Variants in ADCY8 observed in about 807,000 individuals in gnomAD.
ADCY8 encodes adenylate cyclase type 8.
Under a neutral mutation model 119.7 loss-of-function variants are expected in ADCY8, and 51 were observed. The observed-to-expected ratio is 0.43, with a 90% CI of 0.34 to 0.54. ADCY8 has a LOEUF of 0.54. ADCY8 is among the 20% of genes least tolerant of loss of function. ADCY8 has a pLI of 0.03. For missense variants in ADCY8, 1,383 were observed against 1,598.8 expected (o/e 0.87, Z 2.30); for synonymous variants, 665 against 651.0 (o/e 1.02, Z -0.33).
At chr8:130,940,711 GA>G (rs2130633336) in intron 4 of ADCY8, among the ~76,000 whole-genome samples, 1 of 152,068 alleles carries the variant, frequency 6.6e-6, no homozygotes, top group African/African-American at 2.4e-5. Context: ...GACTGCTTTG[GA>G]AAAAAATATT....
intron 2 of ADCY8, among the ~76,000 whole-genome samples, chr8:130,964,980 A>C (rs1440997353): frequency 1.3e-5 from 2 of 151,944 alleles, no homozygotes; most frequent in Non-Finnish European, 2.9e-5. Flanking sequence ...TTCTTTTGAG[A>C]GGTGTCTGTT....
intron 8 of ADCY8, among the ~76,000 whole-genome samples, chr8:130,875,437 A>G (rs1051816350): frequency 6.6e-6 from 1 of 152,198 alleles, no homozygotes; most frequent in Non-Finnish European, 1.5e-5. Context: ...ATGAAAGAGA[A>G]AAGCTGAGAC....
intron 1 of ADCY8, among the ~76,000 whole-genome samples, chr8:131,036,858 G>T (rs1246148998): frequency 6.6e-6 from 1 of 152,162 alleles, no homozygotes; most frequent in Non-Finnish European, 1.5e-5. Flanking sequence ...GGGAAATATG[G>T]TTGGAGAGAG....
chr8:130,921,982 G>A (rs1199995058), intron 5 of ADCY8, among the ~76,000 whole-genome samples: 1 of 152,010 alleles, frequency 6.6e-6, no homozygotes, highest in East Asian at 1.9e-4. Flanking sequence ...ATGGATTCAT[G>A]GGTTAATGGA....
intron 1 of ADCY8, among the ~76,000 whole-genome samples, chr8:131,033,394 C>T (rs1437199915): frequency 2.0e-5 from 3 of 152,070 alleles, no homozygotes; most frequent in Non-Finnish European, 2.9e-5. Flanking sequence ...TTCTGATGAG[C>T]TCTTAAAATG....
intron 2 of ADCY8, among the ~76,000 whole-genome samples, chr8:130,952,520 G>A (rs1821304359): frequency 6.6e-6 from 1 of 152,022 alleles, no homozygotes; most frequent in Non-Finnish European, 1.5e-5. Context: ...CAATGGTGTG[G>A]CTGGAGGGTG....
At chr8:131,000,168 C>T (rs540336787) in intron 1 of ADCY8, among the ~76,000 whole-genome samples, 301 of 152,248 alleles carry the variant, frequency 2.0e-3, no homozygotes, top group Admixed American at 5.2e-3. Flanking sequence ...TAAAGTTAAA[C>T]AGCTCCACAG....
chr8:130,940,371 T>C (rs967581188), intron 4 of ADCY8, among the ~76,000 whole-genome samples: 3 of 152,194 alleles, frequency 2.0e-5, no homozygotes, highest in Non-Finnish European at 4.4e-5. Flanking sequence ...GAGGCAGACA[T>C]TGGATAATGA....
At chr8:131,008,004 C>T (rs994962990) in intron 1 of ADCY8, among the ~76,000 whole-genome samples, 2 of 152,114 alleles carry the variant, frequency 1.3e-5, no homozygotes, top group Admixed American at 6.5e-5. Context: ...GAGGTAGGTG[C>T]TACTATTATT....
rs535050621 is a variant in ADCY8 at position 130,943,227 on chromosome 8, G to A, written c.1353+124C>T. 1.1e-4 allele frequency: 71 copies of A among 669,100 alleles called. 1 individual carries two copies. Among genetic ancestry groups the A allele is most frequent in the East Asian group, 9.9e-4 (36 of 36,236 alleles). The allele number at this position is 669,100 out of a possible 1,614,324, so 41.4% of individuals were successfully genotyped here. On this transcript the variant is annotated intron_variant, in intron 4 of 17. Coordinates refer to ENST00000286355, the MANE Select transcript of ADCY8 (RefSeq NM_001115.3). ...AGAATGTGAGAGGGTCAGGGTCCAT[G>A]CCTAGGGACAGGATGCAGAATGGTA...
At chr8:130,810,231 CT>C (rs139014035) in intron 14 of ADCY8, among the ~76,000 whole-genome samples, 3,068 of 152,232 alleles carry the variant, frequency 0.02, 102 homozygotes, top group African/African-American at 0.07. Context: ...CTAAAAATGC[CT>C]TTGCCTCTTA....
At chr8:131,007,404 T>C (rs1420778456) in intron 1 of ADCY8, among the ~76,000 whole-genome samples, 2 of 152,186 alleles carry the variant, frequency 1.3e-5, no homozygotes, top group Non-Finnish European at 2.9e-5. Flanking sequence ...GAAGAGGTTT[T>C]TGGTTGTCAC....
chr8:130,920,973 T>C (rs1563729213), intron 5 of ADCY8, among the ~76,000 whole-genome samples: 1 of 152,222 alleles, frequency 6.6e-6, no homozygotes, highest in Non-Finnish European at 1.5e-5. Context: ...GCCTCCACAA[T>C]TTTGTGAACC....
intron 1 of ADCY8, among the ~76,000 whole-genome samples, chr8:131,018,565 T>C (rs989519529): frequency 6.6e-6 from 1 of 152,340 alleles, no homozygotes; most frequent in African/African-American, 2.4e-5. Flanking sequence ...CATGATGCTT[T>C]CCCTGCAAGC....
intron 7 of ADCY8, among the ~76,000 whole-genome samples, chr8:130,889,797 G>A (rs1403694405): frequency 6.6e-6 from 1 of 152,108 alleles, no homozygotes; most frequent in Non-Finnish European, 1.5e-5. Context: ...GGTGGAACAT[G>A]GACACCTAAC....
At chr8:130,870,403 AT>A (rs1368757191) in intron 8 of ADCY8, among the ~76,000 whole-genome samples, 2 of 152,128 alleles carry the variant, frequency 1.3e-5, no homozygotes, top group Non-Finnish European at 2.9e-5. Flanking sequence ...TGGAGCTGTA[AT>A]TGACCATTGC....
intron 2 of ADCY8, among the ~76,000 whole-genome samples, chr8:130,982,711 A>C (rs1401698897): frequency 6.6e-6 from 1 of 151,496 alleles, no homozygotes; most frequent in Non-Finnish European, 1.5e-5. Flanking sequence ...AAAATTAGCC[A>C]GAAACAGTTG....
chr8:130,808,575 T>C (rs144218584), intron 14 of ADCY8, among the ~76,000 whole-genome samples: 1 of 152,212 alleles, frequency 6.6e-6, no homozygotes, highest in East Asian at 1.9e-4. Flanking sequence ...TTGCCATTGG[T>C]CATAAAGGTA....
chr8:130,842,130 T>C (rs1293330001), intron 11 of ADCY8, among the ~76,000 whole-genome samples: 3 of 152,234 alleles, frequency 2.0e-5, no homozygotes, highest in Non-Finnish European at 4.4e-5. Flanking sequence ...TGGTTTTCCA[T>C]GGTTGTATTT....
Sources: gnomAD v4.1 joint callset for allele counts (sites outside exome capture counted in the v4.1 genomes callset) on GRCh38, gnomAD v4.1.1 for gene constraint, MANE v1.5 for transcripts, NCBI Gene and HGNC (gene_info 2026-07-23, HGNC 2026-07-21) for gene names.